MYO1C: variants seen among roughly 807,000 people sequenced by gnomAD.
MYO1C encodes unconventional myosin-Ic.
A neutral mutation model predicts 150.8 loss-of-function variants in MYO1C; 104 were observed. That is an observed-to-expected ratio of 0.69 (90% CI 0.59 to 0.81). The LOEUF is 0.81. MYO1C is among the 30% of genes least tolerant of loss of function. The pLI is 0.00. For missense variants in MYO1C, 1,504 were observed against 1,435.0 expected (o/e 1.05, Z -0.78); for synonymous variants, 663 against 579.9 (o/e 1.14, Z -2.06).
intron 5 of MYO1C, among the ~76,000 whole-genome samples, chr17:1,481,487 G>A (rs888536284): frequency 6.6e-6 from 1 of 152,064 alleles, no homozygotes; most frequent in African/African-American, 2.4e-5. Flanking sequence ...TCCCAGTGAA[G>A]CAGCTAAAGT....
chr17:1,470,026 CAAAA>C, intron 24 of MYO1C, 145 bp downstream of exon 24: 1 of 741,134 alleles, frequency 1.3e-6, no homozygotes, highest in Non-Finnish European at 2.0e-6. Flanking sequence ...GACTCCATCT[CAAAA>C]AAAAAAGAGA....
intron 26 of MYO1C, 26 bp from the exon 27 acceptor site, chr17:1,468,334 A>T: frequency 6.2e-7 from 1 of 1,614,040 alleles, no homozygotes; most frequent in South Asian, 1.1e-5. Flanking sequence ...CGGGGAGGGA[A>T]GTCAGTGGAG....
At chr17:1,470,717 C>T (rs1374291979) in intron 21 of MYO1C, 28 bp from the exon 22 acceptor site, 40 of 1,592,660 alleles carry the variant, frequency 2.5e-5, no homozygotes, top group Non-Finnish European at 3.0e-5. Flanking sequence ...AGGCAATTGG[C>T]CAGAGCGCGG....
rs775688199 is a variant in MYO1C, at chr17:1,480,595, C to A, written c.838G>T (p.Asp280Tyr). Residue 280 changes from aspartate (D) to tyrosine (Y), a missense_variant, in exon 7 of 32, where the codon GAC becomes TAC. By Grantham distance (160) the Asp-to-Tyr change is radical. Transcript: ENST00000648651. ...CTGACGACCTTCCAGTCACTCTTGTCGTTGATGGAGGAGACTTTGGCACAC... is the reference window on the plus strand; with the variant it reads ...CTGACGACCTTCCAGTCACTCTTGTAGTTGATGGAGGAGACTTTGGCACAC... ...GQCAKVSSINDKSDWKVVRKA... is the reference protein window; with the variant it reads ...GQCAKVSSINYKSDWKVVRKA... 6.2e-7 allele frequency: 1 copy of A among 1,614,116 alleles called. No homozygotes were observed. The highest frequency in any genetic ancestry group is 8.5e-7 in the Non-Finnish European group (1 of 1,180,038).
chr17:1,490,493 A>G (rs6502738), intron 1 of MYO1C, among the ~76,000 whole-genome samples: 94,904 of 151,906 alleles, frequency 0.62, 30,834 homozygotes, highest in African/African-American at 0.81. Flanking sequence ...GCGAGACTCC[A>G]TCTCAAAACA....
rs1230739607 is a variant in MYO1C, at chr17:1,482,851, T to C, written c.546+10A>G. The C allele has an allele frequency of 1.9e-6, 3 of 1,598,744 alleles. No individual in the cohort carries two copies. Among genetic ancestry groups the C allele is most frequent in the Non-Finnish European group, 2.6e-6 (3 of 1,173,364 alleles). ...CGCACTGGCACTGGGCTTCTCTCCC[T>C]GCCCCTCACCTCCAGCACCGGGTTG... On this transcript the variant is annotated intron_variant, in intron 4 of 31. Coordinates refer to ENST00000648651, the MANE Select transcript of MYO1C (RefSeq NM_001080779.2).
In MYO1C at chr17:1,471,274, G is replaced by T; in HGVS notation, c.2084C>A (p.Ala695Asp). 1 of 1,613,964 alleles carries T rather than the reference G, an allele frequency of 6.2e-7. No individual in the cohort carries two copies. Residue 695 changes from alanine to aspartate, a missense_variant, in exon 20 of 32, where the codon GCT (alanine) becomes GAT (aspartate). Transcript: ENST00000648651. ...TWAGRPQDGV[A>D]VLVRHLGYKP... Reference sequence around the variant, plus strand: ...GTAGCCCAGGTGTCGGACCAGCACAGCCACCCCATCCTGCGGCCGTCCTGC... The same window carrying T: ...GTAGCCCAGGTGTCGGACCAGCACATCCACCCCATCCTGCGGCCGTCCTGC...
chr17:1,475,041 G>A lies in MYO1C; in HGVS notation c.1575-9C>T. 1 of 1,551,038 alleles carries A rather than the reference G, an allele frequency of 6.4e-7. No individual in the cohort carries two copies. The highest frequency in any genetic ancestry group is 8.7e-7 in the Non-Finnish European group (1 of 1,147,030). On this transcript the variant is annotated splice_polypyrimidine_tract_variant and intron_variant, in intron 14 of 31. Transcript: ENST00000648651. ...GGTCAGCCAGCTTGTGCCTGGGGGT[G>A]ACAGGGAGGAAGCTGCAGATGGCTG...
intron 1 of MYO1C, 86 bp downstream of exon 1, chr17:1,492,327 C>G (rs939440790): frequency 2.2e-6 from 3 of 1,385,156 alleles, no homozygotes; most frequent in Non-Finnish European, 3.0e-6. Flanking sequence ...CTGCTCAGCT[C>G]TTGCCCGAGG....
Position 1,480,753 on chromosome 17 carries a change from T to C in MYO1C, c.760A>G (p.Arg254Gly), listed in dbSNP as rs2074503449. The C allele has an allele frequency of 3.1e-6, 5 of 1,614,146 alleles. No homozygotes were observed. The highest frequency in any genetic ancestry group is 3.4e-6 in the Non-Finnish European group (4 of 1,180,028). The change falls in exon 6 of 32, where the codon AGG (arginine) becomes GGG (glycine). Residue 254 changes from arginine to glycine, a missense_variant. By Grantham distance (125) the Arg-to-Gly change is moderately radical. Transcript: ENST00000648651. Reference sequence around the variant, plus strand: ...TGGGGGTTCCGTTCCAAGCCCAGCCTGCGAAGAGTCTCCTCCTCGCCCCCC... The same window carrying C: ...TGGGGGTTCCGTTCCAAGCCCAGCCCGCGAAGAGTCTCCTCCTCGCCCCCC... ...LEGGEEETLRRLGLERNPQSY... is the reference protein window; with the variant it reads ...LEGGEEETLRGLGLERNPQSY...
In MYO1C at chr17:1,471,354, C is replaced by T. The variant is rs374816949; in HGVS notation, c.2022-18G>A. 2.3e-4 allele frequency: 362 copies of T among 1,608,614 alleles called. 1 individual carries two copies. The highest frequency in any genetic ancestry group is 7.0e-4 in the Admixed American group (42 of 59,800). On this transcript the variant is annotated intron_variant, in intron 19 of 31. Transcript: ENST00000648651. ...ACTTGTACCTGGGGACAGGAATGCA[C>T]GCGGCTCCCACCCCAGTCAGCAGCC...
Position 1,477,888 on chromosome 17 carries a change from C to A in MYO1C, c.1482+3G>T. ...CCAGGCCTTGGAGGCGCAGAGGACT[C>A]ACCAAAATCGAGATGATGCCCTTAA... On this transcript the variant is annotated splice_donor_region_variant and intron_variant, in intron 13 of 31. Coordinates refer to ENST00000648651, the MANE Select transcript of MYO1C (RefSeq NM_001080779.2). The A allele has an allele frequency of 6.2e-7, 1 of 1,613,738 alleles. No individual in the cohort carries two copies. Among genetic ancestry groups the A allele is most frequent in the South Asian group, 1.1e-5 (1 of 91,054 alleles).
chr17:1,489,528 A>T (rs958453736), intron 1 of MYO1C, among the ~76,000 whole-genome samples: 2 of 151,912 alleles, frequency 1.3e-5, no homozygotes, highest in Admixed American at 6.6e-5. Context: ...AAATTTTTTT[A>T]AAAAGTTAGC....
chr17:1,479,544 GC>G lies in MYO1C; in HGVS notation c.1021-43del, dbSNP rs1212751706. The stretch of plus-strand genomic sequence containing the variant: ...AGGACACGGTGAGGGTGCACCCCCA[GC>G]CCCCGCCCCCGCCGTCCTCCCGTCG... On this transcript the variant is annotated intron_variant, in intron 8 of 31. Transcript: ENST00000648651. This position sits in a 1 kb window ranked among gnomAD's most constrained non-coding sequence, Gnocchi z 4.2. The G allele has an allele frequency of 8.5e-6, 10 of 1,175,160 alleles. No homozygotes were observed. Among genetic ancestry groups the G allele is most frequent in the Non-Finnish European group, 1.1e-5 (9 of 804,190 alleles). The allele number at this position is 1,175,160 out of a possible 1,614,324, so 72.8% of individuals were successfully genotyped here. A position where few individuals can be genotyped will look rare whatever the true frequency, so the allele number is the denominator to read the frequency against.
chr17:1,478,152 G>A lies in MYO1C; in HGVS notation c.1336C>T (p.Gln446Ter), dbSNP rs755243848. The A allele has an allele frequency of 1.2e-6, 2 of 1,614,064 alleles. No individual in the cohort carries two copies. The highest frequency in any genetic ancestry group is 1.7e-6 in the Non-Finnish European group (2 of 1,180,042). The change falls in exon 12 of 32, where the codon CAG (glutamine) becomes TAG (stop). Residue 446 changes from glutamine (Q) to a stop codon, truncating the protein, a stop_gained. Transcript: ENST00000648651. LOFTEE classifies it high-confidence loss of function. This position sits in a 1 kb window ranked among gnomAD's most constrained non-coding sequence, Gnocchi z 6.3. ...AGCGTGAGCTCGATGAAGAGCTGCT[G>A]CAGCTTCTCGTTGCAGTAATTGATG... The part of the protein sequence containing the change: ...FCINYCNEKL[Q>*]QLFIELTLKS...
intron 31 of MYO1C, among the ~76,000 whole-genome samples, chr17:1,466,826 G>A (rs1375725094): frequency 2.0e-5 from 3 of 151,106 alleles, no homozygotes; most frequent in South Asian, 2.1e-4. Context: ...GGGGTTTCAC[G>A]ATGTTGGCCA....
intron 1 of MYO1C, among the ~76,000 whole-genome samples, chr17:1,487,708 A>G (rs2074681284): frequency 6.6e-6 from 1 of 152,130 alleles, no homozygotes; most frequent in Non-Finnish European, 1.5e-5. Flanking sequence ...ATCAGAGTTC[A>G]GGAGTTCGAG....
intron 17 of MYO1C, among the ~76,000 whole-genome samples, chr17:1,472,632 G>A (rs1033837356): frequency 1.3e-5 from 2 of 152,230 alleles, no homozygotes; most frequent in Non-Finnish European, 2.9e-5. Context: ...AGGCCTGGCG[G>A]AGGAGCACGC....
chr17:1,466,354 G>A (rs539137763), intron 31 of MYO1C, among the ~76,000 whole-genome samples: 20 of 151,784 alleles, frequency 1.3e-4, no homozygotes, highest in African/African-American at 4.3e-4. Flanking sequence ...TTCTGAGATG[G>A]AATTTTGCTC....
Sources: gnomAD v4.1 joint callset for allele counts (sites outside exome capture counted in the v4.1 genomes callset) on GRCh38, gnomAD v4.1.1 for gene constraint, Gnocchi (gnomAD v3.1) non-coding constraint, MANE v1.5 for transcripts, NCBI Gene and HGNC (gene_info 2026-07-23, HGNC 2026-07-21) for gene names.